Variants in CHST9 observed in about 807,000 individuals in gnomAD.
CHST9 encodes the protein carbohydrate sulfotransferase 9, also known as GalNAc-4-sulfotransferase 2.
A neutral mutation model predicts 44.4 loss-of-function variants in CHST9; 41 were observed. That is an observed-to-expected ratio of 0.92 (90% CI 0.72 to 1.20). The LOEUF is 1.20. Among genes scored for constraint, CHST9 ranks in the 50% most tolerant of loss-of-function variants. The pLI is 0.00. For missense variants in CHST9, 504 were observed against 516.5 expected (o/e 0.98, Z 0.23); for synonymous variants, 171 against 178.4 (o/e 0.96, Z 0.33).
intron 4 of CHST9, among the ~76,000 whole-genome samples, chr18:26,954,283 G>C (rs2056292123): frequency 6.6e-6 from 1 of 152,134 alleles, no homozygotes; most frequent in Admixed American, 6.5e-5. Flanking sequence ...TGGGGAACAG[G>C]GACTCAAAGA....
intron 4 of CHST9, among the ~76,000 whole-genome samples, chr18:27,020,684 A>T (rs2057214258): frequency 6.6e-6 from 1 of 152,232 alleles, no homozygotes; most frequent in Non-Finnish European, 1.5e-5. Context: ...AATGTGTCTT[A>T]TATTAATTAA....
intron 1 of CHST9, among the ~76,000 whole-genome samples, chr18:27,173,039 T>C (rs1383989797): frequency 6.6e-6 from 1 of 152,064 alleles, no homozygotes; most frequent in Non-Finnish European, 1.5e-5. Context: ...GCTTTTACAG[T>C]ATGAGGAATA....
intron 5 of CHST9, among the ~76,000 whole-genome samples, chr18:26,922,797 G>A (rs1218445263): frequency 1.3e-5 from 2 of 151,908 alleles, no homozygotes; most frequent in African/African-American, 2.4e-5. Flanking sequence ...CACCACACCC[G>A]GCTAATTTTT....
Position 27,146,239 on chromosome 18 carries a change from C to A in CHST9, c.-96-3334G>T, listed in dbSNP as rs117526736. On this transcript the variant is annotated intron_variant, in intron 1 of 5. Transcript: ENST00000618847. ...ATGTTACTATCCTCTGACATATCCTCCTGGGTGAGAAAGCAGTAGAAAACC... is the reference window on the plus strand; with the variant it reads ...ATGTTACTATCCTCTGACATATCCTACTGGGTGAGAAAGCAGTAGAAAACC... 3.0e-3 allele frequency among the ~76,000 whole-genome samples: 456 copies of A among 152,268 alleles called. 12 individuals carry two copies. In the East Asian group the frequency reaches 0.068, roughly 23 times the overall value.
intron 2 of CHST9, among the ~76,000 whole-genome samples, chr18:27,111,463 C>T (rs981874466): frequency 8.5e-5 from 13 of 152,348 alleles, no homozygotes; most frequent in Non-Finnish European, 1.8e-4. Context: ...CAGGGCAGAA[C>T]TACACTGCTC....
chr18:26,983,354 G>T (rs565084396), intron 4 of CHST9, among the ~76,000 whole-genome samples: 147 of 152,246 alleles, frequency 9.7e-4, no homozygotes, highest in African/African-American at 3.2e-3. Context: ...TGGGTCAGAG[G>T]GGTGGATCCC....
chr18:27,145,512 C>A (rs143436318), intron 1 of CHST9, among the ~76,000 whole-genome samples: 1 of 152,318 alleles, frequency 6.6e-6, no homozygotes, highest in East Asian at 1.9e-4. Flanking sequence ...TATATTTTAA[C>A]TCTGACCTGG....
chr18:27,155,114 C>T (rs1297639468), intron 1 of CHST9, among the ~76,000 whole-genome samples: 2 of 147,742 alleles, frequency 1.4e-5, no homozygotes, highest in Non-Finnish European at 1.5e-5. Flanking sequence ...AAAGAAGTAA[C>T]CTCTATGTGC....
At chr18:27,060,864 C>G (rs2057713688) in intron 2 of CHST9, among the ~76,000 whole-genome samples, 1 of 152,186 alleles carries the variant, frequency 6.6e-6, no homozygotes. Context: ...TGGGCTCAAG[C>G]AATCTTCCTG....
At chr18:27,087,487 T>C (rs566715198) in intron 2 of CHST9, among the ~76,000 whole-genome samples, 14 of 152,268 alleles carry the variant, frequency 9.2e-5, no homozygotes, top group Middle Eastern at 6.8e-3. Context: ...ATTCATTTTT[T>C]CTCCCTAATA....
chr18:26,986,911 A>G (rs773612582), intron 4 of CHST9, among the ~76,000 whole-genome samples: 1 of 152,226 alleles, frequency 6.6e-6, no homozygotes, highest in Non-Finnish European at 1.5e-5. Flanking sequence ...GAAAAATAAA[A>G]AGGATTTCTT....
intron 5 of CHST9, among the ~76,000 whole-genome samples, chr18:26,930,005 C>G (rs2055847984): frequency 1.3e-5 from 2 of 152,222 alleles, no homozygotes; most frequent in South Asian, 4.1e-4. Flanking sequence ...CAGGAATGCA[C>G]TCCATTCGTC....
intron 2 of CHST9, among the ~76,000 whole-genome samples, chr18:27,118,420 C>T (rs113171808): frequency 0.33 from 47,858 of 146,066 alleles, 8,162 homozygotes; most frequent in Non-Finnish European, 0.4. Flanking sequence ...TTACTTCTCC[C>T]TACATTATGT....
intron 1 of CHST9, among the ~76,000 whole-genome samples, chr18:27,181,640 C>T (rs149815300): frequency 5.3e-5 from 8 of 152,284 alleles, no homozygotes; most frequent in Admixed American, 1.3e-4. Context: ...CATACATTAA[C>T]ACATTCTTAT....
chr18:27,010,332 A>G (rs2057067908), intron 4 of CHST9, among the ~76,000 whole-genome samples: 1 of 152,144 alleles, frequency 6.6e-6, no homozygotes, highest in Non-Finnish European at 1.5e-5. Context: ...CATATGAAAA[A>G]AACAGCCTCC....
At chr18:26,959,867 G>A (rs1444936619) in intron 4 of CHST9, among the ~76,000 whole-genome samples, 1 of 152,098 alleles carries the variant, frequency 6.6e-6, no homozygotes, top group East Asian at 1.9e-4. Flanking sequence ...TTGAGGATGG[G>A]GGATCCTGGC....
At chr18:27,007,284 T>C (rs938811673) in intron 4 of CHST9, among the ~76,000 whole-genome samples, 2 of 152,160 alleles carry the variant, frequency 1.3e-5, no homozygotes, top group Non-Finnish European at 2.9e-5. Context: ...ATATATGTTT[T>C]GGAGGTAAAA....
At chr18:27,097,918 C>G (rs7230608) in intron 2 of CHST9, among the ~76,000 whole-genome samples, 1 of 151,728 alleles carries the variant, frequency 6.6e-6, no homozygotes. Context: ...TTTCTGAGGT[C>G]TTTGTTCTGT....
intron 4 of CHST9, among the ~76,000 whole-genome samples, chr18:26,951,329 C>T (rs2056244837): frequency 1.3e-5 from 2 of 152,108 alleles, no homozygotes; most frequent in African/African-American, 2.4e-5. Context: ...TTAATCACCC[C>T]GAACTGATTA....
Sources: gnomAD v4.1 joint callset for allele counts (sites outside exome capture counted in the v4.1 genomes callset) on GRCh38, gnomAD v4.1.1 for gene constraint, MANE v1.5 for transcripts, NCBI Gene and HGNC (gene_info 2026-07-23, HGNC 2026-07-21) for gene names.